Variants in PPM1L observed in about 807,000 individuals in gnomAD.
The protein encoded by PPM1L is protein phosphatase 1L.
PPM1L carries 13 observed loss-of-function variants against 31.4 expected under a neutral mutation model. The ratio of observed to expected loss-of-function variants is 0.41; its 90% confidence interval spans 0.27 to 0.66. The LOEUF is 0.66. PPM1L is among the 30% of genes least tolerant of loss of function. PPM1L has a pLI of 0.29. For missense variants in PPM1L, 326 were observed against 453.7 expected (o/e 0.72, Z 2.56); for synonymous variants, 184 against 175.4 (o/e 1.05, Z -0.39).
intron 1 of PPM1L, among the ~76,000 whole-genome samples, chr3:160,855,263 A>G (rs1711648592): frequency 6.6e-6 from 1 of 152,220 alleles, no homozygotes; most frequent in South Asian, 2.1e-4. Context: ...ACCTAAAGCT[A>G]TAAAAACCCT....
intron 2 of PPM1L, among the ~76,000 whole-genome samples, chr3:161,011,706 A>G (rs1311004935): frequency 6.6e-5 from 10 of 152,058 alleles, no homozygotes; most frequent in Admixed American, 1.3e-4. Flanking sequence ...GCAGTGGTTT[A>G]TAGTTCTCCT....
At chr3:160,920,611 T>TCA (rs1714361270) in intron 1 of PPM1L, among the ~76,000 whole-genome samples, 2 of 35,510 alleles carry the variant, frequency 5.6e-5, no homozygotes, top group African/African-American at 1.6e-4. Flanking sequence ...TCTCTCTCTC[T>TCA]CTCTCACACA....
chr3:160,773,735 T>G (rs1711503106), intron 1 of PPM1L, among the ~76,000 whole-genome samples: 1 of 152,174 alleles, frequency 6.6e-6, no homozygotes, highest in South Asian at 2.1e-4. Flanking sequence ...TTTTCAGACT[T>G]GAGTTTTTGA....
intron 2 of PPM1L, among the ~76,000 whole-genome samples, chr3:161,015,883 T>C (rs1026428552): frequency 6.6e-5 from 10 of 152,080 alleles, no homozygotes; most frequent in African/African-American, 2.2e-4. Flanking sequence ...CTGACTCTAG[T>C]GTTTGCTTTT....
chr3:160,842,279 C>T (rs1307988703), intron 1 of PPM1L: 4 of 702,440 alleles, frequency 5.7e-6, no homozygotes, highest in Non-Finnish European at 1.0e-5. Context: ...CAGAACATGC[C>T]TGCTTTTTCA....
intron 1 of PPM1L, among the ~76,000 whole-genome samples, chr3:160,940,643 T>C (rs1398209519): frequency 6.6e-6 from 1 of 152,208 alleles, no homozygotes; most frequent in Non-Finnish European, 1.5e-5. Context: ...AAGCCAAGAA[T>C]TGAGGTTTGG....
chr3:160,895,819 C>T (rs1453124348), intron 1 of PPM1L, among the ~76,000 whole-genome samples: 2 of 152,084 alleles, frequency 1.3e-5, no homozygotes, highest in Non-Finnish European at 1.5e-5. Context: ...AATATTGTTA[C>T]CAAGTAATCC....
chr3:160,967,989 C>T (rs576724370), intron 2 of PPM1L, among the ~76,000 whole-genome samples: 2 of 152,118 alleles, frequency 1.3e-5, no homozygotes, highest in South Asian at 4.1e-4. Flanking sequence ...GGCTTTTCTG[C>T]TTTTTCTATT....
In PPM1L at chr3:161,075,626, A is replaced by G. The variant is rs1346967192; in HGVS notation, c.*6469A>G. On this transcript the variant is annotated 3_prime_UTR_variant, in exon 4 of 4. Transcript: ENST00000498165. Reference sequence around the variant, plus strand: ...AGTTTCCAGTGTGGTCAAAATTAGAATGTAAAGGAAAGCATTTTTAAGAAA... The same window carrying G: ...AGTTTCCAGTGTGGTCAAAATTAGAGTGTAAAGGAAAGCATTTTTAAGAAA... 2 of 152,250 alleles carry G rather than the reference A, an allele frequency of 1.3e-5. No homozygotes were observed. Among genetic ancestry groups the G allele is most frequent in the African/African-American group, 2.4e-5 (1 of 41,470 alleles). 9.4% of individuals were successfully genotyped at this position (152,250 alleles called of 1,614,324 possible).
intron 1 of PPM1L, among the ~76,000 whole-genome samples, chr3:160,849,206 C>T (rs183887238): frequency 2.8e-4 from 42 of 152,240 alleles, no homozygotes; most frequent in Middle Eastern, 3.4e-3. Context: ...TTTCTTGGTT[C>T]GTGCCTCATA....
At chr3:160,776,972 T>A (rs1478331773) in intron 1 of PPM1L, among the ~76,000 whole-genome samples, 2 of 152,014 alleles carry the variant, frequency 1.3e-5, no homozygotes, top group African/African-American at 2.4e-5. Context: ...CAGAGAAGAT[T>A]AATACTATGG....
chr3:160,993,513 C>G (rs1440592300), intron 2 of PPM1L, among the ~76,000 whole-genome samples: 1 of 152,110 alleles, frequency 6.6e-6, no homozygotes, highest in Non-Finnish European at 1.5e-5. Flanking sequence ...TCAGGTCTGG[C>G]AGTTGGAAAA....
At chr3:160,900,848 G>A (rs577893267) in intron 1 of PPM1L, among the ~76,000 whole-genome samples, 38 of 152,226 alleles carry the variant, frequency 2.5e-4, no homozygotes, top group African/African-American at 5.8e-4. Context: ...ACAGTATGAT[G>A]ATACTGTGTC....
intron 1 of PPM1L, among the ~76,000 whole-genome samples, chr3:160,825,053 A>G (rs553611769): frequency 8.5e-5 from 13 of 152,124 alleles, no homozygotes; most frequent in Non-Finnish European, 1.5e-4. Flanking sequence ...TGGTTAAACT[A>G]TGTGCCAAAA....
chr3:161,042,842 A>T (rs1718949812), intron 2 of PPM1L, among the ~76,000 whole-genome samples: 1 of 151,828 alleles, frequency 6.6e-6, no homozygotes, highest in Non-Finnish European at 1.5e-5. Context: ...ATCATGGTGA[A>T]ACCCCGTCTC....
intron 2 of PPM1L, among the ~76,000 whole-genome samples, chr3:161,053,663 C>T (rs1482859092): frequency 1.3e-5 from 2 of 152,188 alleles, no homozygotes; most frequent in African/African-American, 2.4e-5. Context: ...ACCTCCCTCA[C>T]TAAAGAGATA....
rs557037424 is a variant in PPM1L at position 161,068,741 on chromosome 3, C to T, written c.737-70C>T. ...ATGAAGTAGGTCACCCTGTTGCGCACGTACCTAGACTATCCCAGGTAAGTG... is the reference window on the plus strand; with the variant it reads ...ATGAAGTAGGTCACCCTGTTGCGCATGTACCTAGACTATCCCAGGTAAGTG... On this transcript the variant is annotated intron_variant, in intron 3 of 3. Coordinates refer to ENST00000498165, the MANE Select transcript of PPM1L (RefSeq NM_139245.4). 4.8e-5 allele frequency: 64 copies of T among 1,328,260 alleles called. 1 individual carries two copies. Among genetic ancestry groups the T allele is most frequent in the African/African-American group, 3.5e-4 (24 of 68,370 alleles). The allele number at this position is 1,328,260 out of a possible 1,614,324, so 82.3% of individuals were successfully genotyped here.
chr3:161,006,523 A>T (rs558774099), intron 2 of PPM1L, among the ~76,000 whole-genome samples: 1 of 152,310 alleles, frequency 6.6e-6, no homozygotes, highest in East Asian at 1.9e-4. Flanking sequence ...AATAAAAGAT[A>T]AAAAAGTTTT....
At chr3:160,963,709 G>A (rs1416429954) in intron 2 of PPM1L, among the ~76,000 whole-genome samples, 2 of 152,042 alleles carry the variant, frequency 1.3e-5, no homozygotes, top group African/African-American at 2.4e-5. Context: ...ATCAAGGTGA[G>A]CATGAACATT....
Sources: allele counts gnomAD v4.1 joint callset (sites outside exome capture counted in the v4.1 genomes callset), GRCh38; gene constraint gnomAD v4.1.1; transcripts MANE v1.5; gene names NCBI Gene and HGNC (gene_info 2026-07-23, HGNC 2026-07-21).